Variants in PTGER3 observed in about 807,000 individuals in gnomAD.
PTGER3 encodes the protein prostaglandin E receptor 3.
PTGER3 carries 22 observed loss-of-function variants against 34.7 expected under a neutral mutation model. The observed-to-expected ratio is 0.63, with a 90% CI of 0.45 to 0.91. The LOEUF is 0.91. Among genes scored for constraint, PTGER3 ranks in the 40% least tolerant of loss-of-function variants. The pLI is 0.00. For synonymous variants in PTGER3, 241 were observed against 230.1 expected, an observed-to-expected ratio of 1.05 and a Z score of -0.43; for missense variants, 468 against 519.4, an observed-to-expected ratio of 0.90 and a Z score of 0.96.
intron 3 of PTGER3, 45 bp from the exon 4 acceptor site, chr1:70,971,778 T>C: frequency 7.3e-7 from 1 of 1,370,280 alleles, no homozygotes; most frequent in Admixed American, 2.1e-5. Flanking sequence ...TGGATGGGGA[T>C]TATTTTTTTT....
In PTGER3 at chr1:71,027,935, A is replaced by G. The variant is rs576380933; in HGVS notation, c.898-15451T>C. ...ATCACATTTCAAGAGGCAAATAACC[A>G]TATGTGGCTAGTGGCTACTATGCTA... On this transcript the variant is annotated intron_variant, in intron 1 of 3. Transcript: ENST00000306666. 6.6e-5 allele frequency among the ~76,000 whole-genome samples: 10 copies of G among 152,300 alleles called. No individual in the cohort carries two copies. In the South Asian group the frequency reaches 1.2e-3, roughly 19 times the overall value.
intron 4 of PTGER3, among the ~76,000 whole-genome samples, chr1:70,884,741 G>A (rs568782933): frequency 2.6e-5 from 4 of 152,248 alleles, no homozygotes; most frequent in African/African-American, 9.6e-5. Flanking sequence ...CTCTAACTGG[G>A]GTGGTCTTAT....
intron 2 of PTGER3, among the ~76,000 whole-genome samples, chr1:70,996,639 T>TTTTATTTGTTTATTTA (rs1553173496): frequency 1.6e-5 from 2 of 122,752 alleles, no homozygotes; most frequent in African/African-American, 6.0e-5. Flanking sequence ...TTTTTTGTAT[T>TTTTATTTGTTTATTTA]TTTATTTATT....
Position 71,030,349 on chromosome 1 carries a change from C to T in PTGER3, c.897+16332G>A, listed in dbSNP as rs553398762. Reference sequence around the variant, plus strand: ...AAGAAAAAAGATGAAAGCAGGTTTGCAAGAATCCCAATTGCACTGTATCAT... The same window carrying T: ...AAGAAAAAAGATGAAAGCAGGTTTGTAAGAATCCCAATTGCACTGTATCAT... On this transcript the variant is annotated intron_variant, in intron 1 of 3. Transcript: ENST00000306666. Among the ~76,000 whole-genome samples the T allele has an allele frequency of 2.6e-5, 4 of 152,268 alleles. No homozygotes were observed. In the South Asian group the frequency reaches 8.3e-4, roughly 32 times the overall value.
chr1:70,981,375 CTTTCT>C (rs1654318089), intron 2 of PTGER3, among the ~76,000 whole-genome samples: 5 of 99,144 alleles, frequency 5.0e-5, no homozygotes, highest in African/African-American at 1.7e-4. Context: ...TTCTTTCTTT[CTTTCT>C]TTCTTTCTTT....
intron 2 of PTGER3, among the ~76,000 whole-genome samples, chr1:70,979,331 A>G (rs1206518635): frequency 5.9e-5 from 9 of 151,816 alleles, no homozygotes; most frequent in African/African-American, 1.7e-4. Flanking sequence ...AGTGAAGTTG[A>G]CTTGCTCAAA....
At chr1:70,919,847 C>A (rs1202159899) in intron 4 of PTGER3, among the ~76,000 whole-genome samples, 1 of 152,052 alleles carries the variant, frequency 6.6e-6, no homozygotes, top group Non-Finnish European at 1.5e-5. Flanking sequence ...TTGCCCTAGG[C>A]TTTCATAAGA....
intron 1 of PTGER3, among the ~76,000 whole-genome samples, chr1:71,021,500 C>T (rs1250096989): frequency 6.7e-6 from 1 of 149,582 alleles, no homozygotes. Flanking sequence ...CTGGGTGACA[C>T]ACAAGTTAGA....
chr1:71,003,888 T>C (rs78336552), intron 2 of PTGER3, among the ~76,000 whole-genome samples: 3,961 of 152,314 alleles, frequency 0.026, 162 homozygotes, highest in African/African-American at 0.091. Context: ...AAGAGGTCTA[T>C]AGATAGACTT....
At chr1:70,947,023 G>T (rs143795399) in intron 4 of PTGER3, among the ~76,000 whole-genome samples, 6 of 152,056 alleles carry the variant, frequency 3.9e-5, no homozygotes, top group Admixed American at 6.6e-5. Flanking sequence ...CCAGGACTAG[G>T]TTTGTATCTC....
intron 2 of PTGER3, chr1:71,006,971 T>G (rs894454721): frequency 2.0e-6 from 2 of 985,544 alleles, no homozygotes; most frequent in African/African-American, 3.5e-5. Context: ...TAACGTACTT[T>G]TCATACGCTC....
intron 1 of PTGER3, among the ~76,000 whole-genome samples, chr1:71,040,957 A>G (rs1297407138): frequency 6.6e-6 from 1 of 152,150 alleles, no homozygotes; most frequent in Non-Finnish European, 1.5e-5. Flanking sequence ...AGTGGCAATG[A>G]AAAATGGAGA....
intron 4 of PTGER3, among the ~76,000 whole-genome samples, chr1:70,858,996 C>G (rs1645869962): frequency 6.6e-6 from 1 of 152,180 alleles, no homozygotes; most frequent in Admixed American, 6.5e-5. Flanking sequence ...ATCAGACACA[C>G]AGAGTTCAAT....
chr1:70,977,912 C>T (rs1653867341), intron 2 of PTGER3, among the ~76,000 whole-genome samples: 1 of 152,074 alleles, frequency 6.6e-6, no homozygotes, highest in South Asian at 2.1e-4. Flanking sequence ...CTTTTAGCTC[C>T]CTCCTAAACA....
rs965296062 is a variant in PTGER3, at chr1:71,010,809, T to C, written c.1077+1496A>G. The C allele has an allele frequency of 5.7e-5, 56 of 984,908 alleles. No individual in the cohort carries two copies. In the Admixed American group the frequency reaches 1.9e-3, roughly 34 times the overall value. 61.0% of individuals were successfully genotyped at this position (984,908 alleles called of 1,614,324 possible). On this transcript the variant is annotated intron_variant, in intron 2 of 3. Transcript: ENST00000306666. ...ATTTGACATGGTCATTTAAAATAATTAGCCCCAATTGACATAGGCTGGTGT... is the reference window on the plus strand; with the variant it reads ...ATTTGACATGGTCATTTAAAATAATCAGCCCCAATTGACATAGGCTGGTGT...
intron 4 of PTGER3, among the ~76,000 whole-genome samples, chr1:70,880,088 C>CAA (rs537038650): frequency 1.4e-5 from 2 of 142,058 alleles, no homozygotes; most frequent in Admixed American, 7.0e-5. Flanking sequence ...GATTCCCTCT[C>CAA]AAAAAAAAAA....
chr1:70,915,905 A>G (rs775157061), intron 4 of PTGER3, among the ~76,000 whole-genome samples: 40 of 152,042 alleles, frequency 2.6e-4, no homozygotes, highest in Admixed American at 1.2e-3. Context: ...TAATTAAACT[A>G]AAGTTTCTAT....
intron 2 of PTGER3, among the ~76,000 whole-genome samples, chr1:71,003,705 G>C (rs1430077979): frequency 2.0e-5 from 3 of 152,116 alleles, no homozygotes; most frequent in Non-Finnish European, 4.4e-5. Flanking sequence ...TACTGTTATG[G>C]ACATATCGTT....
intron 4 of PTGER3, among the ~76,000 whole-genome samples, chr1:70,929,888 C>T (rs1029745041): frequency 1.3e-5 from 2 of 152,126 alleles, no homozygotes; most frequent in African/African-American, 2.4e-5. Context: ...TTCTGAGTAA[C>T]TCAAGGTAGA....
Sources: gnomAD v4.1 joint callset for allele counts (sites outside exome capture counted in the v4.1 genomes callset) on GRCh38, gnomAD v4.1.1 for gene constraint, MANE v1.5 for transcripts, NCBI Gene and HGNC (gene_info 2026-07-23, HGNC 2026-07-21) for gene names.